Variants in FGD3 observed in about 807,000 individuals in gnomAD.
FGD3 encodes FYVE, RhoGEF and PH domain-containing protein 3.
In FGD3, 45 loss-of-function variants were observed where a neutral mutation model predicts 71.8. The ratio of observed to expected loss-of-function variants is 0.63; its 90% CI spans 0.49 to 0.80. The LOEUF (loss-of-function observed/expected upper bound fraction) is 0.80, where lower values mean the gene tolerates loss of function less well. Among genes scored for constraint, FGD3 ranks in the 30% least tolerant of loss-of-function variants. The pLI is 0.00. For synonymous variants in FGD3, 378 were observed against 392.8 expected, an observed-to-expected ratio of 0.96 and a Z score of 0.44; for missense variants, 844 against 951.5, an observed-to-expected ratio of 0.89 and a Z score of 1.49.
intron 15 of FGD3, chr9:93,032,478 C>A: frequency 2.8e-6 from 1 of 351,122 alleles, no homozygotes; most frequent in Non-Finnish European, 5.3e-6. Flanking sequence ...GGGCATCTTC[C>A]CCTGTGCTTG....
chr9:92,968,038 A>G (rs992289729), intron 1 of FGD3, among the ~76,000 whole-genome samples: 2 of 152,132 alleles, frequency 1.3e-5, no homozygotes, highest in Non-Finnish European at 2.9e-5. Flanking sequence ...CCTGCTTTCA[A>G]ACCTTTTGGG....
intron 15 of FGD3, among the ~76,000 whole-genome samples, chr9:93,031,628 A>G (rs534558226): frequency 1.2e-4 from 19 of 152,158 alleles, no homozygotes; most frequent in African/African-American, 3.9e-4. Flanking sequence ...GAAAAGAGCA[A>G]TCTCCCCTCT....
chr9:93,030,115 T>TGG, intron 15 of FGD3, 119 bp downstream of exon 15: 1 of 1,205,720 alleles, frequency 8.3e-7, no homozygotes, highest in Non-Finnish European at 1.1e-6. Context: ...ACGGAAGGGC[T>TGG]TCCTGATCCT....
chr9:93,008,426 G>A (rs1285360265), intron 6 of FGD3, among the ~76,000 whole-genome samples: 2 of 152,168 alleles, frequency 1.3e-5, no homozygotes, highest in Non-Finnish European at 2.9e-5. Flanking sequence ...CTTGGGTCTG[G>A]AACAGGCCTC....
chr9:93,003,516 G>A lies in FGD3; in HGVS notation c.544-485G>A, dbSNP rs1860937955. ...TGTGGGACATTTCTTCTTGGCAGCT[G>A]CATGATCTGAGCATGTAAATGGCTT... On this transcript the variant is annotated intron_variant, in intron 4 of 17. Coordinates refer to ENST00000375482, the MANE Select transcript of FGD3 (RefSeq NM_001083536.2). The surrounding 1 kb of genome is among the most constrained non-coding windows in gnomAD (Gnocchi z 4.1). 6.6e-6 allele frequency among the ~76,000 whole-genome samples: 1 copy of A among 152,228 alleles called. No individual in the cohort carries two copies. The highest frequency in any genetic ancestry group is 1.5e-5 in the Non-Finnish European group (1 of 68,048).
At chr9:93,033,356 CTTCCT>C in intron 16 of FGD3, 1 of 190,132 alleles carries the variant, frequency 5.3e-6, no homozygotes, top group Admixed American at 5.9e-5. Flanking sequence ...CCCTTCTCCT[CTTCCT>C]CTCCCTCCTT....
At chr9:92,998,186 C>G (rs1860722214) in intron 3 of FGD3, among the ~76,000 whole-genome samples, 1 of 152,110 alleles carries the variant, frequency 6.6e-6, no homozygotes, top group Non-Finnish European at 1.5e-5. Flanking sequence ...TCTTTTTTCT[C>G]TAAACTTCTC....
intron 5 of FGD3, 84 bp downstream of exon 5, chr9:93,004,221 TG>T (rs1860965509): frequency 1.3e-5 from 20 of 1,548,760 alleles, no homozygotes; most frequent in Non-Finnish European, 1.5e-5. Flanking sequence ...AGGCAAGTGC[TG>T]GGGGACTGTC....
intron 3 of FGD3, among the ~76,000 whole-genome samples, chr9:92,989,923 T>G (rs1481204202): frequency 3.3e-5 from 5 of 151,078 alleles, no homozygotes; most frequent in Admixed American, 3.3e-4. Flanking sequence ...GTAGAGGTTT[T>G]TTTTTTTTTT....
At chr9:92,973,254 A>G (rs1298074190) in intron 1 of FGD3, among the ~76,000 whole-genome samples, 1 of 151,770 alleles carries the variant, frequency 6.6e-6, no homozygotes, top group South Asian at 2.1e-4. Flanking sequence ...AGCTGGGATT[A>G]CAGGCACGCA....
intron 3 of FGD3, among the ~76,000 whole-genome samples, chr9:92,989,919 G>GTTT (rs55714845): frequency 3.4e-4 from 36 of 106,556 alleles, no homozygotes; most frequent in African/African-American, 1.2e-3. Flanking sequence ...CCTTGTAGAG[G>GTTT]TTTTTTTTTT....
At position 93,013,949 on chromosome 9, in the gene FGD3, A is replaced by G. The variant is rs760356830; in HGVS notation, c.1133A>G (p.Gln378Arg). 3 of 1,611,746 alleles carry G rather than the reference A, an allele frequency of 1.9e-6. No individual in the cohort carries two copies. The highest frequency in any genetic ancestry group is 2.2e-5 in the East Asian group (1 of 44,674). The change falls in exon 9 of 18, where the codon CAG (glutamine) becomes CGG (arginine). Residue 378 changes from glutamine to arginine, a missense_variant. Physicochemically the swap from Gln to Arg is conservative, Grantham distance 43. Transcript: ENST00000375482. ...ANELIKEGQI[Q>R]KLSAKNGTPQ... is the part of the protein sequence containing the mutation. ...GAACTGATCAAGGAGGGCCAAATCC[A>G]GAAACTGTCAGCCAAGAACGGCACC...
chr9:93,019,777 A>G, intron 11 of FGD3, 54 bp from the exon 12 acceptor site: 2 of 1,556,300 alleles, frequency 1.3e-6, no homozygotes. Context: ...AGGGCTGGTC[A>G]TTTAGAGTCA....
intron 6 of FGD3, 51 bp from the exon 7 acceptor site, chr9:93,010,195 G>A (rs1391666196): frequency 1.9e-6 from 3 of 1,543,518 alleles, no homozygotes; most frequent in Non-Finnish European, 2.6e-6. Flanking sequence ...GGTGGGGCTG[G>A]CATCCACACA....
At chr9:93,013,397 G>A (rs367639173) in intron 8 of FGD3, among the ~76,000 whole-genome samples, 15 of 152,178 alleles carry the variant, frequency 9.9e-5, no homozygotes, top group South Asian at 8.3e-4. Context: ...GAGCTTTGAC[G>A]CTGTCCCATC....
chr9:92,952,681 CCTCA>C (rs976183470), intron 1 of FGD3, among the ~76,000 whole-genome samples: 3 of 151,902 alleles, frequency 2.0e-5, no homozygotes, highest in African/African-American at 4.8e-5. Flanking sequence ...TCTCTTCCTT[CCTCA>C]CTCCCTCCCT....
intron 3 of FGD3, among the ~76,000 whole-genome samples, chr9:92,981,371 A>AG (rs1348336022): frequency 6.6e-6 from 1 of 150,406 alleles, no homozygotes; most frequent in Non-Finnish European, 1.5e-5. Context: ...CCATCTCCAA[A>AG]AAAAAAAAAA....
At chr9:92,963,768 G>T (rs1460255798) in intron 1 of FGD3, among the ~76,000 whole-genome samples, 1 of 152,244 alleles carries the variant, frequency 6.6e-6, no homozygotes, top group Non-Finnish European at 1.5e-5. Context: ...CGGGGCAGGT[G>T]CTGGGCCTGC....
chr9:92,950,377 A>G (rs1210129388), intron 1 of FGD3, among the ~76,000 whole-genome samples: 1 of 151,610 alleles, frequency 6.6e-6, no homozygotes. Flanking sequence ...AGATCGGGCC[A>G]CTACACACTC....
Sources: allele counts gnomAD v4.1 joint callset (sites outside exome capture counted in the v4.1 genomes callset), GRCh38; gene constraint gnomAD v4.1.1; non-coding constraint Gnocchi (gnomAD v3.1); transcripts MANE v1.5; gene names NCBI Gene and HGNC (gene_info 2026-07-23, HGNC 2026-07-21).